TLCD4: variants seen among roughly 807,000 people sequenced by gnomAD.
TLCD4 encodes the protein TLC domain-containing protein 4.
In TLCD4, 7 loss-of-function variants were observed where a neutral mutation model predicts 24.2. The observed-to-expected ratio is 0.29, with a 90% CI of 0.16 to 0.54. The LOEUF (loss-of-function observed/expected upper bound fraction) is 0.54, where lower values mean the gene tolerates loss of function less well. Ranked by LOEUF, TLCD4 falls within the 20% of genes least tolerant of loss-of-function variation. The pLI is 0.95. For synonymous variants in TLCD4, 103 were observed against 106.4 expected, an observed-to-expected ratio of 0.97 and a Z score of 0.20; for missense variants, 259 against 313.9, an observed-to-expected ratio of 0.82 and a Z score of 1.32.
rs370067640 is a variant in TLCD4 at position 95,192,585 on chromosome 1, G to T, written c.*717G>T. On this transcript the variant is annotated 3_prime_UTR_variant, in exon 7 of 7. Coordinates refer to ENST00000370203, the MANE Select transcript of TLCD4 (RefSeq NM_152487.3). The stretch of plus-strand genomic sequence containing the variant: ...CTGTAAATAGCTCTTAACATTTGTT[G>T]TATGCACTCTTTTCTTACTATGGCT... The T allele has an allele frequency of 1.3e-5, 2 of 152,288 alleles. No individual in the cohort carries two copies. Among genetic ancestry groups the T allele is most frequent in the East Asian group, 3.9e-4 (2 of 5,182 alleles). The allele number at this position is 152,288 out of a possible 1,614,324, so 9.4% of individuals were successfully genotyped here.
chr1:95,109,899 T>C, the TLCD4 span, among the ~76,000 whole-genome samples: 1 of 134,718 alleles, frequency 7.4e-6, no homozygotes, highest in African/African-American at 2.7e-5. Context: ...TACATACACA[T>C]AATGTGTGTA....
intron 1 of TLCD4, among the ~76,000 whole-genome samples, chr1:95,142,321 A>C (rs1202728390): frequency 6.9e-6 from 1 of 144,746 alleles, no homozygotes; most frequent in Non-Finnish European, 1.5e-5. Context: ...TTAATAAGGG[A>C]TACAAAGCCC....
intron 6 of TLCD4, among the ~76,000 whole-genome samples, chr1:95,179,555 C>A (rs1367230810): frequency 6.6e-6 from 1 of 152,194 alleles, no homozygotes; most frequent in Non-Finnish European, 1.5e-5. Context: ...TTGTCATAGA[C>A]CATCTCCTGT....
the TLCD4 span, among the ~76,000 whole-genome samples, chr1:95,109,835 G>T: frequency 6.8e-6 from 1 of 147,368 alleles, no homozygotes; most frequent in Non-Finnish European, 1.5e-5. Flanking sequence ...TTTTTGTTGC[G>T]ATTATGTCTT....
At chr1:95,121,832 A>G (rs1676580720) in intron 1 of TLCD4, among the ~76,000 whole-genome samples, 1 of 152,256 alleles carries the variant, frequency 6.6e-6, no homozygotes, top group Non-Finnish European at 1.5e-5. Context: ...TTAGAAGTAT[A>G]GATCTGTGAT....
At position 95,196,208 on chromosome 1, in the gene TLCD4, A is replaced by C. The variant is rs1571800857; in HGVS notation, c.*4340A>C. On this transcript the variant is annotated 3_prime_UTR_variant, in exon 7 of 7. Coordinates refer to ENST00000370203, the MANE Select transcript of TLCD4 (RefSeq NM_152487.3). ...ACTGGTTTAACAGTCAGAGCTTTGT[A>C]ATGTGTTTCAGCTGAAGATTTATTA... 6.6e-6 allele frequency: 1 copy of C among 152,334 alleles called. No individual in the cohort carries two copies. The highest frequency in any genetic ancestry group is 1.9e-4 in the East Asian group (1 of 5,194). The allele number at this position is 152,334 out of a possible 1,614,324, so 9.4% of individuals were successfully genotyped here.
At chr1:95,171,066 T>A (rs1236908532) in intron 5 of TLCD4, among the ~76,000 whole-genome samples, 1 of 152,108 alleles carries the variant, frequency 6.6e-6, no homozygotes, top group Non-Finnish European at 1.5e-5. Flanking sequence ...CCCTTTTTTT[T>A]AGCCGCAAAT....
At chr1:95,103,011 C>T in the TLCD4 span, among the ~76,000 whole-genome samples, 2 of 151,578 alleles carry the variant, frequency 1.3e-5, no homozygotes, top group East Asian at 1.9e-4. Flanking sequence ...CTGAGTCTTG[C>T]TTCGTTGCCC....
upstream of TLCD4, among the ~76,000 whole-genome samples, chr1:95,114,233 T>G (rs1676388933): frequency 6.6e-6 from 1 of 152,150 alleles, no homozygotes; most frequent in African/African-American, 2.4e-5. Flanking sequence ...GTGAAAGTAT[T>G]TTTAAACACT....
At chr1:95,092,752 C>G in the TLCD4 span, among the ~76,000 whole-genome samples, 1 of 152,222 alleles carries the variant, frequency 6.6e-6, no homozygotes, top group Non-Finnish European at 1.5e-5. Flanking sequence ...AGGTCCGCGG[C>G]TTCATTCTTC....
At chr1:95,143,278 A>G (rs1036827720) in intron 1 of TLCD4, among the ~76,000 whole-genome samples, 3 of 152,136 alleles carry the variant, frequency 2.0e-5, no homozygotes, top group African/African-American at 7.2e-5. Context: ...AATCGGCCTT[A>G]GGTTCCCTGC....
chr1:95,142,130 CTTTTT>C (rs35609217), intron 1 of TLCD4, among the ~76,000 whole-genome samples: 1 of 119,282 alleles, frequency 8.4e-6, no homozygotes, highest in South Asian at 2.7e-4. Context: ...GCCTTAGTGC[CTTTTT>C]TTTTTTTTTT....
chr1:95,159,163 G>A (rs1282738959), intron 5 of TLCD4, among the ~76,000 whole-genome samples: 1 of 152,122 alleles, frequency 6.6e-6, no homozygotes, highest in African/African-American at 2.4e-5. Context: ...ATCCTCTCCA[G>A]CACCTGTTGT....
chr1:95,183,747 A>G (rs1461233013), intron 6 of TLCD4, among the ~76,000 whole-genome samples: 1 of 152,134 alleles, frequency 6.6e-6, no homozygotes, highest in Non-Finnish European at 1.5e-5. Context: ...CTGAGGCAGG[A>G]GAATCGCTTG....
chr1:95,144,801 C>T (rs538728089), intron 2 of TLCD4, among the ~76,000 whole-genome samples: 7 of 152,160 alleles, frequency 4.6e-5, no homozygotes, highest in Admixed American at 2.6e-4. Flanking sequence ...AGTGATTCTC[C>T]TGCCTCAGCT....
rs1679226103 is a variant in TLCD4 at position 95,197,059 on chromosome 1, A to G, written c.*5191A>G. ...TATAGTGATATATATAGATACATAG[A>G]TATATACTTTTTTCTGAGAATGTAT... is the stretch of plus-strand genomic sequence containing the variant. On this transcript the variant is annotated 3_prime_UTR_variant, in exon 7 of 7. Transcript: ENST00000370203. 6.6e-6 allele frequency: 1 copy of G among 152,168 alleles called. No individual in the cohort carries two copies. The highest frequency in any genetic ancestry group is 6.5e-5 in the Admixed American group (1 of 15,270). 9.4% of individuals were successfully genotyped at this position (152,168 alleles called of 1,614,324 possible).
intron 1 of TLCD4, among the ~76,000 whole-genome samples, chr1:95,143,547 T>C (rs1677263551): frequency 6.6e-6 from 1 of 152,188 alleles, no homozygotes; most frequent in Non-Finnish European, 1.5e-5. Flanking sequence ...CGATTTGTCA[T>C]AAATTTAATT....
At chr1:95,106,618 G>A in the TLCD4 span, among the ~76,000 whole-genome samples, 1 of 152,134 alleles carries the variant, frequency 6.6e-6, no homozygotes. Flanking sequence ...GCTTGAACGT[G>A]GGATGTGGAA....
upstream of TLCD4, among the ~76,000 whole-genome samples, chr1:95,116,137 G>A (rs576970066): frequency 6.6e-6 from 1 of 152,128 alleles, no homozygotes; most frequent in African/African-American, 2.4e-5. Context: ...TGCAGGGCAG[G>A]TTTCTGTCCC....
Sources: allele counts gnomAD v4.1 joint callset (sites outside exome capture counted in the v4.1 genomes callset), GRCh38; gene constraint gnomAD v4.1.1; transcripts MANE v1.5; gene names NCBI Gene and HGNC (gene_info 2026-07-23, HGNC 2026-07-21).